DLG2: variants seen among roughly 807,000 people sequenced by gnomAD.
The protein encoded by DLG2 is disks large homolog 2.
A neutral mutation model predicts 132.5 loss-of-function variants in DLG2; 45 were observed. That is an observed-to-expected ratio of 0.34 (90% confidence interval 0.27 to 0.44). The LOEUF (loss-of-function observed/expected upper bound fraction) is 0.44, where lower values mean the gene tolerates loss of function less well. Among genes scored for constraint, DLG2 ranks in the 20% least tolerant of loss-of-function variants. The pLI is 1.00. For missense variants in DLG2, 1,045 were observed against 1,196.9 expected, an observed-to-expected ratio of 0.87 and a Z score of 1.87; for synonymous variants, 424 against 419.6, an observed-to-expected ratio of 1.01 and a Z score of -0.13.
chr11:84,711,007 T>TAA (rs1555178961), intron 6 of DLG2, among the ~76,000 whole-genome samples: 1 of 68,218 alleles, frequency 1.5e-5, no homozygotes, highest in African/African-American at 5.9e-5. Flanking sequence ...CATATATATA[T>TAA]AGATATATAT....
At chr11:84,577,296 G>A (rs2099503235) in intron 6 of DLG2, among the ~76,000 whole-genome samples, 2 of 152,200 alleles carry the variant, frequency 1.3e-5, no homozygotes, top group Admixed American at 6.5e-5. Flanking sequence ...ACCCAAAAAT[G>A]TGTAAGCCAC....
At chr11:85,525,113 T>C (rs2074647877) in intron 3 of DLG2, 1 of 152,222 alleles carries the variant, frequency 6.6e-6, no homozygotes, top group East Asian at 1.9e-4. Context: ...TTACACTATA[T>C]AAATTTTACC....
At chr11:84,616,808 A>T (rs962021604) in intron 6 of DLG2, among the ~76,000 whole-genome samples, 1 of 152,156 alleles carries the variant, frequency 6.6e-6, no homozygotes, top group Admixed American at 6.6e-5. Flanking sequence ...TATAAATTTA[A>T]GGTATCTGAA....
At chr11:85,066,379 T>G (rs201453280) in intron 6 of DLG2, among the ~76,000 whole-genome samples, 3 of 151,562 alleles carry the variant, frequency 2.0e-5, no homozygotes, top group African/African-American at 7.3e-5. Flanking sequence ...CAAAAGACAG[T>G]GGTACAAACG....
At chr11:85,621,951 C>A (rs2081735995) in intron 2 of DLG2, among the ~76,000 whole-genome samples, 1 of 152,176 alleles carries the variant, frequency 6.6e-6, no homozygotes, top group Non-Finnish European at 1.5e-5. Context: ...ACAGAGAAAT[C>A]TCTCATAAAA....
intron 11 of DLG2, among the ~76,000 whole-genome samples, chr11:83,998,552 A>G (rs1565973320): frequency 1.3e-5 from 2 of 152,226 alleles, no homozygotes; most frequent in Non-Finnish European, 1.5e-5. Context: ...AGACTCCTCA[A>G]TATGGGAGAA....
intron 14 of DLG2, among the ~76,000 whole-genome samples, chr11:83,951,998 C>T (rs1388657801): frequency 6.6e-6 from 1 of 152,032 alleles, no homozygotes; most frequent in Non-Finnish European, 1.5e-5. Context: ...AGAAGGCAAA[C>T]CCCAAGGTTT....
At chr11:84,176,898 C>T (rs2095986145) in intron 8 of DLG2, among the ~76,000 whole-genome samples, 5 of 151,892 alleles carry the variant, frequency 3.3e-5, no homozygotes, top group African/African-American at 1.2e-4. Flanking sequence ...TCTTTCCTTT[C>T]CTTTCCATTC....
chr11:85,077,353 G>C (rs1400126816), intron 6 of DLG2, among the ~76,000 whole-genome samples: 2 of 151,924 alleles, frequency 1.3e-5, no homozygotes, highest in Non-Finnish European at 2.9e-5. Flanking sequence ...TTCCTATTAA[G>C]AGGCCCACAT....
At chr11:85,088,408 A>G (rs1305596712) in intron 6 of DLG2, among the ~76,000 whole-genome samples, 1 of 152,206 alleles carries the variant, frequency 6.6e-6, no homozygotes, top group Non-Finnish European at 1.5e-5. Flanking sequence ...CTAGCCTCTG[A>G]GAAATGGAAG....
At chr11:85,123,534 C>A (rs916695216) in intron 5 of DLG2, among the ~76,000 whole-genome samples, 1 of 152,142 alleles carries the variant, frequency 6.6e-6, no homozygotes, top group Non-Finnish European at 1.5e-5. Flanking sequence ...ACTTTTCTAA[C>A]CATGACAACT....
intron 10 of DLG2, among the ~76,000 whole-genome samples, chr11:84,088,483 G>T (rs1189151945): frequency 1.3e-5 from 2 of 152,160 alleles, no homozygotes; most frequent in Admixed American, 1.3e-4. Flanking sequence ...GCAGTTGACA[G>T]AAATAGGAAA....
intron 14 of DLG2, among the ~76,000 whole-genome samples, chr11:83,939,601 C>T (rs2082210255): frequency 6.6e-6 from 1 of 152,044 alleles, no homozygotes; most frequent in African/African-American, 2.4e-5. Flanking sequence ...AATACTCTAC[C>T]TCTAAAATAA....
At chr11:85,335,747 G>A (rs2082082836) in intron 3 of DLG2, among the ~76,000 whole-genome samples, 1 of 151,954 alleles carries the variant, frequency 6.6e-6, no homozygotes, top group East Asian at 1.9e-4. Flanking sequence ...TGAACAATGA[G>A]AACACATGGA....
intron 14 of DLG2, among the ~76,000 whole-genome samples, chr11:83,947,238 A>T (rs927775212): frequency 2.6e-5 from 4 of 151,556 alleles, no homozygotes; most frequent in Non-Finnish European, 4.4e-5. Context: ...AACATTCTAG[A>T]TTTTTTTTTT....
chr11:84,615,818 T>TAAGAAAAAAAAAAAA (rs2099603005), intron 6 of DLG2, among the ~76,000 whole-genome samples: 1 of 67,640 alleles, frequency 1.5e-5, no homozygotes, highest in African/African-American at 6.1e-5. Flanking sequence ...ACAAAAACGG[T>TAAGAAAAAAAAAAAA]AAAAAAAAAA....
intron 6 of DLG2, among the ~76,000 whole-genome samples, chr11:84,819,419 C>T (rs2077437843): frequency 6.6e-6 from 1 of 151,808 alleles, no homozygotes; most frequent in Admixed American, 6.6e-5. Flanking sequence ...CTTCACCAGT[C>T]CTCTTCAGAT....
intron 9 of DLG2, among the ~76,000 whole-genome samples, chr11:84,139,377 C>T (rs1284799778): frequency 6.6e-6 from 1 of 151,934 alleles, no homozygotes; most frequent in African/African-American, 2.4e-5. Flanking sequence ...AGGGAGGAAA[C>T]CATATAGGAA....
chr11:84,936,397 A>G (rs1229371273), intron 6 of DLG2, among the ~76,000 whole-genome samples: 2 of 152,158 alleles, frequency 1.3e-5, no homozygotes, highest in Non-Finnish European at 2.9e-5. Flanking sequence ...TTAAACACAT[A>G]TTTTTACTTA....
Sources: gnomAD v4.1 joint callset for allele counts (sites outside exome capture counted in the v4.1 genomes callset) on GRCh38, gnomAD v4.1.1 for gene constraint, MANE v1.5 for transcripts, NCBI Gene and HGNC (gene_info 2026-07-23, HGNC 2026-07-21) for gene names.